The following KDM6A variants were observed in gnomAD, a reference collection of about 807,000 sequenced individuals.
The protein encoded by KDM6A is lysine demethylase 6A, also known as lysine-specific demethylase 6A.
A neutral mutation model predicts 117.6 loss-of-function variants in KDM6A; 11 were observed. That is an observed-to-expected ratio of 0.09 (90% CI 0.06 to 0.15). The LOEUF is 0.15. KDM6A is among the 10% of genes least tolerant of loss of function. The pLI, the probability that KDM6A is intolerant of heterozygous loss-of-function variation, is 1.00. For synonymous variants in KDM6A, 384 were observed against 396.1 expected (o/e 0.97, Z 0.36); for missense variants, 799 against 1,077.3 (o/e 0.74, Z 3.62).
intron 27 of KDM6A, among the ~76,000 whole-genome samples, chrX:45,100,447 T>C (rs1282851640): frequency 1.8e-5 from 2 of 112,350 alleles, no homozygotes; most frequent in East Asian, 5.6e-4. Flanking sequence ...CCAGCAACTT[T>C]GTGAGTTCAC....
chrX:44,939,668 C>T (rs2037178422), intron 2 of KDM6A, among the ~76,000 whole-genome samples: 1 of 111,881 alleles, frequency 8.9e-6, no homozygotes, highest in Non-Finnish European at 1.9e-5. Flanking sequence ...TTTCAAACAG[C>T]ATCACATGCT....
At chrX:45,011,694 A>G (rs1227061927) in intron 5 of KDM6A, among the ~76,000 whole-genome samples, 1 of 112,210 alleles carries the variant, frequency 8.9e-6, no homozygotes, top group Non-Finnish European at 1.9e-5. Flanking sequence ...TATTGTTGTC[A>G]CAGCATTGCC....
chrX:44,988,107 C>G (rs751665770), intron 4 of KDM6A, among the ~76,000 whole-genome samples: 2 of 111,874 alleles, frequency 1.8e-5, no homozygotes, highest in East Asian at 5.6e-4. Context: ...TTGTTCGTTT[C>G]TTTTTATTCT....
chrX:45,028,772 T>C (rs781539518), intron 6 of KDM6A, among the ~76,000 whole-genome samples: 1 of 112,522 alleles, frequency 8.9e-6, no homozygotes, highest in African/African-American at 3.2e-5. Context: ...TAATGCTTTC[T>C]CTATTTCACT....
intron 2 of KDM6A, among the ~76,000 whole-genome samples, chrX:44,885,120 C>T (rs2146545881): frequency 9.2e-6 from 1 of 108,385 alleles, no homozygotes; most frequent in East Asian, 2.9e-4. Flanking sequence ...TACAGCCTGA[C>T]CTCCCAGGCT....
intron 4 of KDM6A, among the ~76,000 whole-genome samples, chrX:45,007,433 T>C (rs2041552195): frequency 8.9e-6 from 1 of 112,359 alleles, no homozygotes; most frequent in Non-Finnish European, 1.9e-5. Context: ...TGCATTGACA[T>C]GGCTACATCC....
chrX:45,101,299 C>T, intron 27 of KDM6A, among the ~76,000 whole-genome samples: 1 of 111,581 alleles, frequency 9.0e-6, no homozygotes, highest in Non-Finnish European at 1.9e-5. Context: ...ATAATACTGT[C>T]TTTCTAAAAT....
At chrX:45,068,785 CT>C (rs763271586) in intron 17 of KDM6A, among the ~76,000 whole-genome samples, 2 of 42,954 alleles carry the variant, frequency 4.7e-5, no homozygotes, top group East Asian at 1.0e-3. Flanking sequence ...TCTCCTCTCT[CT>C]TCTTTCTCTT....
In KDM6A at chrX:44,969,482, A is replaced by G. The variant is rs1385811131; in HGVS notation, c.335-5184A>G. On this transcript the variant is annotated intron_variant, in intron 3 of 29. Coordinates refer to ENST00000611820, the MANE Select transcript of KDM6A (RefSeq NM_001291415.2). ...GCCCAGGCTGGAGTCCAGTGGCGCG[A>G]TCTCGGCTCACTGCAAGCTCTGCCT... Among the ~76,000 whole-genome samples the G allele has an allele frequency of 3.5e-5, 3 of 86,758 alleles. No individual in the cohort carries two copies. The East Asian group carries it at 1.1e-3, about 31-fold the overall frequency. The allele number at this position is 86,758 out of a possible 115,157, so 75.3% of individuals were successfully genotyped here.
At chrX:44,907,751 ATT>A (rs67971573) in intron 2 of KDM6A, among the ~76,000 whole-genome samples, 3,721 of 70,504 alleles carry the variant, frequency 0.053, 254 homozygotes, top group African/African-American at 0.18. Context: ...TCTGGCCTCC[ATT>A]TTTTTTTTTT....
chrX:44,886,583 G>A lies in KDM6A; in HGVS notation c.225+12596G>A, dbSNP rs750459696. On this transcript the variant is annotated intron_variant, in intron 2 of 29. Coordinates refer to ENST00000611820, the MANE Select transcript of KDM6A (RefSeq NM_001291415.2). The stretch of plus-strand genomic sequence containing the variant: ...CGGCTCACTGCAAATTCTGCCTCCC[G>A]GGTTCAAGCGATTCTCTTGCCTCAG... Among the ~76,000 whole-genome samples, 54 of 105,779 alleles carry A rather than the reference G, an allele frequency of 5.1e-4. 1 individual carries two copies. The highest frequency in any genetic ancestry group is 1.8e-3 in the African/African-American group (53 of 28,705). 91.9% of individuals were successfully genotyped at this position (105,779 alleles called of 115,157 possible). A position where few individuals can be genotyped will look rare whatever the true frequency, so the allele number is the denominator to read the frequency against.
intron 28 of KDM6A, among the ~76,000 whole-genome samples, chrX:45,107,935 C>T (rs1393486373): frequency 4.5e-5 from 5 of 111,548 alleles, no homozygotes; most frequent in Non-Finnish European, 7.5e-5. Context: ...TCTTGTGTGG[C>T]CAAGGCTTGC....
At chrX:44,972,352 A>T (rs148676641) in intron 3 of KDM6A, among the ~76,000 whole-genome samples, 5 of 110,927 alleles carry the variant, frequency 4.5e-5, no homozygotes, top group Non-Finnish European at 9.4e-5. Context: ...CTGTAGGTGT[A>T]ACCCATGCCT....
At position 44,922,027 on chromosome X, in the gene KDM6A, C is replaced by CTTTTTTTTTTTTTTTTTT; in HGVS notation, c.226-39257_226-39256insTTTTTTTTTTTTTTTTTT. ...ATGCTGATAAAATTCATTGTGTGTGCCTTTTTTTTTTTTTTTTTTTTTTTT... is the reference window on the plus strand; with the variant it reads ...ATGCTGATAAAATTCATTGTGTGTGCTTTTTTTTTTTTTTTTTTCTTTTTTTTTTTTTTTTTTTTTTTT... On this transcript the variant is annotated intron_variant, in intron 2 of 29. Transcript: ENST00000611820. 7.8e-3 allele frequency among the ~76,000 whole-genome samples: 296 copies of CTTTTTTTTTTTTTTTTTT among 37,714 alleles called. 139 individuals are homozygous for CTTTTTTTTTTTTTTTTTT. Among genetic ancestry groups the CTTTTTTTTTTTTTTTTTT allele is most frequent in the Non-Finnish European group, 9.9e-3 (241 of 24,397 alleles). 32.8% of individuals were successfully genotyped at this position (37,714 alleles called of 115,157 possible).
chrX:45,082,719 G>GGGA lies in KDM6A; in HGVS notation c.3380_3382dup (p.Arg1127dup), dbSNP rs1569538311. 5 of 1,203,459 alleles carry GGGA rather than the reference G, an allele frequency of 4.2e-6. No homozygotes were observed. Among genetic ancestry groups the GGGA allele is most frequent in the East Asian group, 3.0e-5 (1 of 33,735 alleles). The stretch of plus-strand genomic sequence containing the variant: ...ATACTGTGTCTCTTTTTTAAGTTCT[G>GGGA]GGAGGAGGAGGAAAGGACCCTTTAA... On this transcript the variant is annotated inframe_insertion, in exon 23 of 30. Coordinates refer to ENST00000611820, the MANE Select transcript of KDM6A (RefSeq NM_001291415.2).
chrX:44,891,184 A>G (rs1045031178), intron 2 of KDM6A, among the ~76,000 whole-genome samples: 1 of 111,095 alleles, frequency 9.0e-6, no homozygotes, highest in Non-Finnish European at 1.9e-5. Context: ...TTATTGTCCA[A>G]TGTATTAATT....
At chrX:44,945,854 C>T (rs1471560653) in intron 2 of KDM6A, among the ~76,000 whole-genome samples, 1 of 111,359 alleles carries the variant, frequency 9.0e-6, no homozygotes, top group Non-Finnish European at 1.9e-5. Context: ...CTTAAATTTG[C>T]CCAATACCGT....
At chrX:45,026,664 TAA>T (rs35015536) in intron 6 of KDM6A, among the ~76,000 whole-genome samples, 6 of 84,643 alleles carry the variant, frequency 7.1e-5, no homozygotes, top group Admixed American at 1.3e-4. Context: ...CCGTCTCTAC[TAA>T]AAAAAAAAAA....
Position 45,089,949 on chromosome X carries a change from T to A in KDM6A, c.3892+19T>A. 1.7e-6 allele frequency: 2 copies of A among 1,158,639 alleles called. No individual in the cohort carries two copies. The highest frequency in any genetic ancestry group is 1.8e-5 in the South Asian group (1 of 54,524). ...CTTACAGGTATTATAAAGAATATGC[T>A]TTAAAAAAGTTAATTTATAAAGGAT... On this transcript the variant is annotated intron_variant, in intron 26 of 29. Coordinates refer to ENST00000611820, the MANE Select transcript of KDM6A (RefSeq NM_001291415.2).
Sources: gnomAD v4.1 joint callset for allele counts (sites outside exome capture counted in the v4.1 genomes callset) on GRCh38, gnomAD v4.1.1 for gene constraint, MANE v1.5 for transcripts, NCBI Gene and HGNC (gene_info 2026-07-23, HGNC 2026-07-21) for gene names.